SUPT3H: variants seen among roughly 807,000 people sequenced by gnomAD.
SUPT3H encodes the protein transcription initiation protein SPT3 homolog.
Under a neutral mutation model 44.3 loss-of-function variants are expected in SUPT3H, and 44 were observed. The observed-to-expected ratio is 0.99, with a 90% CI of 0.78 to 1.28. SUPT3H has a LOEUF of 1.28. Ranked by LOEUF, SUPT3H falls within the 50% of genes most tolerant of loss-of-function variation. The pLI is 0.00. For missense variants in SUPT3H, 380 were observed against 387.1 expected, an observed-to-expected ratio of 0.98 and a Z score of 0.15; for synonymous variants, 124 against 125.6, an observed-to-expected ratio of 0.99 and a Z score of 0.09.
At chr6:44,952,506 A>G (rs565502794) in intron 9 of SUPT3H, among the ~76,000 whole-genome samples, 3 of 152,236 alleles carry the variant, frequency 2.0e-5, no homozygotes, top group Admixed American at 1.3e-4. Context: ...TTCAGGTTAT[A>G]TATTTCAACC....
intron 10 of SUPT3H, among the ~76,000 whole-genome samples, chr6:44,834,582 G>A (rs562776954): frequency 6.6e-6 from 1 of 152,226 alleles, no homozygotes; most frequent in East Asian, 1.9e-4. Flanking sequence ...TAGAACTTTG[G>A]AATTGGAAAG....
chr6:45,267,997 C>T (rs1407591982), intron 2 of SUPT3H, among the ~76,000 whole-genome samples: 1 of 152,132 alleles, frequency 6.6e-6, no homozygotes, highest in Non-Finnish European at 1.5e-5. Flanking sequence ...GTTATAGGTA[C>T]ATTATTCTCA....
At chr6:44,853,389 G>A (rs191795386) in intron 10 of SUPT3H, among the ~76,000 whole-genome samples, 7 of 152,280 alleles carry the variant, frequency 4.6e-5, no homozygotes, top group Non-Finnish European at 7.4e-5. Context: ...GGTGCATGAG[G>A]TGGCTTATGC....
At chr6:44,915,272 T>C (rs904483136) in intron 10 of SUPT3H, among the ~76,000 whole-genome samples, 3 of 152,236 alleles carry the variant, frequency 2.0e-5, no homozygotes, top group African/African-American at 7.2e-5. Flanking sequence ...TGAAGAAAAG[T>C]ATGTAACTAT....
intron 10 of SUPT3H, among the ~76,000 whole-genome samples, chr6:44,918,468 A>G (rs1357172354): frequency 6.6e-6 from 1 of 152,212 alleles, no homozygotes; most frequent in African/African-American, 2.4e-5. Context: ...TGGAATAAAG[A>G]GATCGATGAT....
intron 11 of SUPT3H, among the ~76,000 whole-genome samples, chr6:44,814,575 T>C (rs139955303): frequency 6.6e-6 from 1 of 152,330 alleles, no homozygotes; most frequent in Non-Finnish European, 1.5e-5. Flanking sequence ...CTTAATAAAC[T>C]CATCTACTCA....
intron 2 of SUPT3H, among the ~76,000 whole-genome samples, chr6:45,161,659 C>T (rs1808995978): frequency 6.6e-6 from 1 of 152,196 alleles, no homozygotes; most frequent in African/African-American, 2.4e-5. Flanking sequence ...CCCTCCATAC[C>T]GTAAAGCTGC....
chr6:45,178,084 T>A (rs951736276), intron 2 of SUPT3H, among the ~76,000 whole-genome samples: 1 of 151,644 alleles, frequency 6.6e-6, no homozygotes, highest in African/African-American at 2.4e-5. Context: ...AACTTTAAAT[T>A]TAAATGGATT....
chr6:45,126,931 G>C (rs1423857037), intron 2 of SUPT3H, among the ~76,000 whole-genome samples: 1 of 152,136 alleles, frequency 6.6e-6, no homozygotes. Flanking sequence ...ATTGATACAA[G>C]AGATCATGAG....
intron 9 of SUPT3H, among the ~76,000 whole-genome samples, chr6:44,940,337 T>C (rs1055117479): frequency 2.6e-5 from 4 of 152,098 alleles, no homozygotes; most frequent in Non-Finnish European, 4.4e-5. Context: ...TTAATTTCCA[T>C]GTATTTTTAT....
intron 2 of SUPT3H, chr6:45,159,056 C>A (rs762332559): frequency 6.6e-6 from 1 of 152,086 alleles, no homozygotes; most frequent in African/African-American, 2.4e-5. Context: ...GAATCCAGTC[C>A]CTACATTCCC....
intron 5 of SUPT3H, among the ~76,000 whole-genome samples, chr6:45,012,035 T>C (rs570699204): frequency 6.0e-5 from 9 of 151,098 alleles, no homozygotes; most frequent in African/African-American, 2.2e-4. Context: ...AAGTCAGCCA[T>C]AAATATTGTC....
intron 2 of SUPT3H, among the ~76,000 whole-genome samples, chr6:45,195,277 T>C (rs1815828159): frequency 6.6e-6 from 1 of 152,068 alleles, no homozygotes; most frequent in Non-Finnish European, 1.5e-5. Flanking sequence ...AAGAGAGCAA[T>C]GATCAGAGCT....
rs965648780 is a variant in SUPT3H at position 44,980,522 on chromosome 6, A to G, written c.505-18694T>C. ...GTGACCAAACGTGGCTGAGGGTAAG[A>G]GAAATGCAGATTTTCTTTCTTTCTT... On this transcript the variant is annotated intron_variant, in intron 6 of 10. Transcript: ENST00000371459. 2.6e-5 allele frequency among the ~76,000 whole-genome samples: 4 copies of G among 152,282 alleles called. No homozygotes were observed. In the East Asian group the frequency reaches 7.7e-4, roughly 29 times the overall value.
At chr6:44,834,574 G>T (rs183522256) in intron 10 of SUPT3H, among the ~76,000 whole-genome samples, 1 of 152,260 alleles carries the variant, frequency 6.6e-6, no homozygotes, top group Non-Finnish European at 1.5e-5. Context: ...AGGAACAATA[G>T]AACTTTGGAA....
intron 2 of SUPT3H, among the ~76,000 whole-genome samples, chr6:45,181,427 TGCG>T (rs1813154864): frequency 6.6e-6 from 1 of 152,062 alleles, no homozygotes; most frequent in African/African-American, 2.4e-5. Context: ...ATATGTTTAT[TGCG>T]GCATTATTCA....
chr6:45,237,123 C>A (rs573572066), intron 2 of SUPT3H, among the ~76,000 whole-genome samples: 2 of 152,222 alleles, frequency 1.3e-5, no homozygotes, highest in African/African-American at 4.8e-5. Flanking sequence ...GATTTGGAAA[C>A]ACAAATAAAC....
At chr6:45,357,258 C>A (rs1439727977) in intron 2 of SUPT3H, among the ~76,000 whole-genome samples, 1 of 152,128 alleles carries the variant, frequency 6.6e-6, no homozygotes. Context: ...CCGCCCACCT[C>A]GGCCTCCCAA....
intron 6 of SUPT3H, among the ~76,000 whole-genome samples, chr6:44,963,587 A>T (rs1016053595): frequency 1.3e-5 from 2 of 152,206 alleles, no homozygotes; most frequent in African/African-American, 4.8e-5. Flanking sequence ...TTGATATTTA[A>T]ATGCATGATC....
Sources: allele counts gnomAD v4.1 joint callset (sites outside exome capture counted in the v4.1 genomes callset), GRCh38; gene constraint gnomAD v4.1.1; transcripts MANE v1.5; gene names NCBI Gene and HGNC (gene_info 2026-07-23, HGNC 2026-07-21).